The following EIF4G1 variants were observed in gnomAD, a reference collection of about 807,000 sequenced individuals.
The protein encoded by EIF4G1 is EIF4-gamma.
In EIF4G1, 4 loss-of-function variants were observed where a neutral mutation model predicts 187.8. That is an observed-to-expected ratio of 0.02 (90% CI 0.01 to 0.05). The LOEUF (loss-of-function observed/expected upper bound fraction) is 0.05, where lower values mean the gene tolerates loss of function less well. Among genes scored for constraint, EIF4G1 ranks in the 10% least tolerant of loss-of-function variants. The pLI is 1.00. For missense variants in EIF4G1, 1,647 were observed against 2,081.1 expected (o/e 0.79, Z 4.06); for synonymous variants, 844 against 781.4 (o/e 1.08, Z -1.34).
At chr3:184,320,823 C>G in intron 8 of EIF4G1, 101 bp downstream of exon 8, 1 of 1,606,674 alleles carries the variant, frequency 6.2e-7, no homozygotes, top group South Asian at 1.1e-5. Flanking sequence ...ATTTATTTCC[C>G]TGCTTTCCTG....
At chr3:184,316,644 C>T in intron 4 of EIF4G1, 2 of 1,447,394 alleles carry the variant, frequency 1.4e-6, no homozygotes, top group South Asian at 1.2e-5. Context: ...TGTCTTATTG[C>T]CTTCATTCCC....
In EIF4G1 at chr3:184,323,371, T is replaced by A; in HGVS notation, c.2089-37T>A. ...GGTGTCACATATTGTGCTGACTAGT[T>A]CCATGTCCCCTCTTGTCTTCATCCC... On this transcript the variant is annotated intron_variant, in intron 14 of 32. Coordinates refer to ENST00000346169, the MANE Select transcript of EIF4G1 (RefSeq NM_198241.3). The surrounding 1 kb of genome is among the most constrained non-coding windows in gnomAD (Gnocchi z 6.9). 6.2e-7 allele frequency: 1 copy of A among 1,613,810 alleles called. No individual in the cohort carries two copies. The highest frequency in any genetic ancestry group is 8.5e-7 in the Non-Finnish European group (1 of 1,179,878).
chr3:184,324,581 T>G (rs1183267257), intron 17 of EIF4G1, among the ~76,000 whole-genome samples: 2 of 152,074 alleles, frequency 1.3e-5, no homozygotes, highest in African/African-American at 4.8e-5. Context: ...TGCCTCAGCC[T>G]CCCAAGTAGC....
At chr3:184,329,304 A>T (rs540969278) in intron 28 of EIF4G1, among the ~76,000 whole-genome samples, 54 of 152,368 alleles carry the variant, frequency 3.5e-4, no homozygotes, top group Non-Finnish European at 5.6e-4. Flanking sequence ...GGACACAGCA[A>T]TGAATAAAAC....
rs753417362 is a variant in EIF4G1, at chr3:184,331,248, T to C, written c.4162-18T>C. The C allele has an allele frequency of 6.2e-7, 1 of 1,613,876 alleles. No homozygotes were observed. The highest frequency in any genetic ancestry group is 8.5e-7 in the Non-Finnish European group (1 of 1,179,798). Reference sequence around the variant, plus strand: ...GAGAGAGAGCTTTGGTAAGCTGGGTTGGTCTTGTGTTTTCCAGGGTCCTAA... The same window carrying C: ...GAGAGAGAGCTTTGGTAAGCTGGGTCGGTCTTGTGTTTTCCAGGGTCCTAA... On this transcript the variant is annotated intron_variant, in intron 28 of 32. Transcript: ENST00000346169.
chr3:184,319,410 GTGCC>G, intron 6 of EIF4G1, among the ~76,000 whole-genome samples: 1 of 150,562 alleles, frequency 6.6e-6, no homozygotes, highest in East Asian at 2.0e-4. Flanking sequence ...GTAGGAAAGA[GTGCC>G]TGCCTACGAG....
rs762091435 is a variant in EIF4G1, at chr3:184,327,629, G to A, written c.3705G>A (p.Ala1235=). The part of the protein sequence containing the change: ...AALPPVSPLK[A]ALSEEELEKK... Reference sequence around the variant, plus strand: ...TACCCCCAGTGAGCCCCCTGAAGGCGGCTCTCTCTGAGGAGGAGTTAGAGA... The same window carrying A: ...TACCCCCAGTGAGCCCCCTGAAGGCAGCTCTCTCTGAGGAGGAGTTAGAGA... The change falls in exon 25 of 33, where the codon GCG becomes GCA. Residue 1235 remains alanine (A), a synonymous_variant. Transcript: ENST00000346169. 41 of 1,614,054 alleles carry A rather than the reference G, an allele frequency of 2.5e-5. No homozygotes were observed. Among genetic ancestry groups the A allele is most frequent in the Non-Finnish European group, 3.2e-5 (38 of 1,180,028 alleles).
At position 184,317,334 on chromosome 3, in the gene EIF4G1, G is replaced by C; in HGVS notation, c.161G>C (p.Ser54Thr). The change falls in exon 5 of 33, where the codon AGC becomes ACC. Residue 54 changes from serine to threonine, a missense_variant. Ser to Thr is a moderately conservative substitution (Grantham distance 58). Coordinates refer to ENST00000346169, the MANE Select transcript of EIF4G1 (RefSeq NM_198241.3). ...CCCTCCTGACAGCACTTCTACCCTA[G>C]CCGGGCCCAGCCCCCGAGCAGTGCA... The part of the protein sequence containing the change: ...PSQPRQHFYP[S>T]RAQPPSSAAS... 1 of 1,614,022 alleles carries C rather than the reference G, an allele frequency of 6.2e-7. No homozygotes were observed. The highest frequency in any genetic ancestry group is 8.5e-7 in the Non-Finnish European group (1 of 1,180,020).
intron 29 of EIF4G1, 48 bp downstream of exon 29, chr3:184,331,412 CTTCT>C: frequency 6.2e-7 from 1 of 1,614,168 alleles, no homozygotes; most frequent in Middle Eastern, 1.6e-4. Flanking sequence ...GCTGGCCAGT[CTTCT>C]TTCTTGTCTC....
In EIF4G1 at chr3:184,321,472, T is replaced by C; in HGVS notation, c.888T>C (p.Ser296=). 1.2e-6 allele frequency: 2 copies of C among 1,614,138 alleles called. No individual in the cohort carries two copies. Among genetic ancestry groups the C allele is most frequent in the Non-Finnish European group, 1.7e-6 (2 of 1,180,026 alleles). ...ACACTATGACAACTATACAAATGTC[T>C]GTAGAAGAATCAACCCCCATCTCCC... The part of the protein sequence containing the change: ...PGDTMTTIQM[S]VEESTPISRE... Residue 296 remains serine, a synonymous_variant, in exon 10 of 33, where the codon TCT becomes TCC. Coordinates refer to ENST00000346169, the MANE Select transcript of EIF4G1 (RefSeq NM_198241.3).
chr3:184,320,163 C>T (rs1310832676), intron 7 of EIF4G1: 17 of 786,422 alleles, frequency 2.2e-5, no homozygotes, highest in East Asian at 1.2e-4. Context: ...TCAAGGCCTC[C>T]GCCTCTGCTC....
chr3:184,325,264 C>T lies in EIF4G1; in HGVS notation c.2857-5C>T, dbSNP rs1724669054. 3 of 1,614,134 alleles carry T rather than the reference C, an allele frequency of 1.9e-6. No homozygotes were observed. The East Asian group carries it at 6.7e-5, about 36-fold the overall frequency. On this transcript the variant is annotated splice_polypyrimidine_tract_variant and splice_region_variant and intron_variant, in intron 18 of 32. Coordinates refer to ENST00000346169, the MANE Select transcript of EIF4G1 (RefSeq NM_198241.3). This position sits in a 1 kb window ranked among gnomAD's most constrained non-coding sequence, Gnocchi z 5.2. Reference sequence around the variant, plus strand: ...TTCCTGGTCTGATGCCTTTCTCCTTCCTAGCCCCGAATGGATCAGTATTTC... The same window carrying T: ...TTCCTGGTCTGATGCCTTTCTCCTTTCTAGCCCCGAATGGATCAGTATTTC...
At chr3:184,317,570 G>A in intron 5 of EIF4G1, 73 bp downstream of exon 5, 1 of 1,590,206 alleles carries the variant, frequency 6.3e-7, no homozygotes, top group Non-Finnish European at 8.6e-7. Context: ...TGACCCTCCA[G>A]TTCCATTGCT....
chr3:184,319,357 C>A, intron 6 of EIF4G1: 1 of 379,394 alleles, frequency 2.6e-6, no homozygotes, highest in Non-Finnish European at 5.1e-6. Context: ...GTAACTTGTA[C>A]GGTGGAAGGA....
Position 184,334,766 on chromosome 3 carries a change from A to G in EIF4G1, c.4658A>G (p.Asp1553Gly). 2 of 1,614,152 alleles carry G rather than the reference A, an allele frequency of 1.2e-6. No homozygotes were observed. Among genetic ancestry groups the G allele is most frequent in the Non-Finnish European group, 8.5e-7 (1 of 1,180,012 alleles). ...TTCTTTGACGCACTGTATGACGAGGACGTGGTGAAGGAGGATGCCTTCTAC... is the reference window on the plus strand; with the variant it reads ...TTCTTTGACGCACTGTATGACGAGGGCGTGGTGAAGGAGGATGCCTTCTAC... Reference protein sequence around the residue: ...RMFFDALYDEDVVKEDAFYSW... With the variant: ...RMFFDALYDEGVVKEDAFYSW... The change falls in exon 33 of 33, where the codon GAC becomes GGC. Residue 1553 changes from aspartate (D) to glycine (G), a missense_variant. Asp to Gly is a moderately conservative substitution (Grantham distance 94). Transcript: ENST00000346169. The surrounding 1 kb of genome is among the most constrained non-coding windows in gnomAD (Gnocchi z 5.8).
Position 184,321,363 on chromosome 3 carries a change from C to T in EIF4G1, c.779C>T (p.Ser260Leu), listed in dbSNP as rs367754765. ...PEHSPSESQP[S>L]SPSPTPSPSP... ...CATAGCCCTTCAGAATCCCAGCCTT[C>T]GTCGCCTTCTCCGACCCCATCACCA... The change falls in exon 10 of 33, where the codon TCG becomes TTG. Residue 260 changes from serine (S) to leucine (L), a missense_variant. Transcript: ENST00000346169. 6.4e-5 allele frequency: 104 copies of T among 1,614,034 alleles called. No homozygotes were observed. The highest frequency in any genetic ancestry group is 7.5e-5 in the Non-Finnish European group (88 of 1,180,048).
Position 184,325,978 on chromosome 3 carries a change from T to G in EIF4G1, c.3222+27T>G, listed in dbSNP as rs1203090885. 6.2e-7 allele frequency: 1 copy of G among 1,609,810 alleles called. No individual in the cohort carries two copies. Among genetic ancestry groups the G allele is most frequent in the African/African-American group, 1.3e-5 (1 of 74,786 alleles). On this transcript the variant is annotated intron_variant, in intron 21 of 32. Transcript: ENST00000346169. This position sits in a 1 kb window ranked among gnomAD's most constrained non-coding sequence, Gnocchi z 5.2. ...TAGGGGTGTGTGTGGGAGTGGGTGA[T>G]TCAGCTCAGGTTTAGATCTTAGTCC...
Position 184,323,388 on chromosome 3 carries a change from C to T in EIF4G1, c.2089-20C>T, listed in dbSNP as rs1306882797. 5 of 1,614,128 alleles carry T rather than the reference C, an allele frequency of 3.1e-6. No individual in the cohort carries two copies. Among genetic ancestry groups the T allele is most frequent in the African/African-American group, 1.3e-5 (1 of 75,060 alleles). On this transcript the variant is annotated intron_variant, in intron 14 of 32. Coordinates refer to ENST00000346169, the MANE Select transcript of EIF4G1 (RefSeq NM_198241.3). The surrounding 1 kb of genome is among the most constrained non-coding windows in gnomAD (Gnocchi z 6.9). ...TGACTAGTTCCATGTCCCCTCTTGT[C>T]TTCATCCCTTGCTTAGCAGGCTGGC...
rs878982691 is a variant in EIF4G1, at chr3:184,325,734, C to G, written c.3121+95C>G. 2 of 1,607,642 alleles carry G rather than the reference C, an allele frequency of 1.2e-6. No homozygotes were observed. The highest frequency in any genetic ancestry group is 2.2e-5 in the South Asian group (2 of 90,870). ...TTCCTGTTAGTGCCACGTGTCTGGGCCACTGAGACACCATGATGGAACTGA... is the reference window on the plus strand; with the variant it reads ...TTCCTGTTAGTGCCACGTGTCTGGGGCACTGAGACACCATGATGGAACTGA... On this transcript the variant is annotated intron_variant, in intron 20 of 32. Coordinates refer to ENST00000346169, the MANE Select transcript of EIF4G1 (RefSeq NM_198241.3). This position sits in a 1 kb window ranked among gnomAD's most constrained non-coding sequence, Gnocchi z 5.2.
Sources: gnomAD v4.1 joint callset for allele counts (sites outside exome capture counted in the v4.1 genomes callset) on GRCh38, gnomAD v4.1.1 for gene constraint, Gnocchi (gnomAD v3.1) non-coding constraint, MANE v1.5 for transcripts, NCBI Gene and HGNC (gene_info 2026-07-23, HGNC 2026-07-21) for gene names.